The following MYO15A variants were observed in gnomAD, a reference collection of about 807,000 sequenced individuals.
MYO15A encodes the protein unconventional myosin-XV.
In MYO15A, 308 loss-of-function variants were observed where a neutral mutation model predicts 394.6. The observed-to-expected ratio is 0.78, with a 90% CI of 0.71 to 0.86. The LOEUF (loss-of-function observed/expected upper bound fraction) is 0.86. Among genes scored for constraint, MYO15A ranks in the 40% least tolerant of loss-of-function variants. The pLI, the probability that MYO15A is intolerant of heterozygous loss-of-function variation, is 0.00. For missense variants in MYO15A, 4,606 were observed against 4,799.1 expected, an observed-to-expected ratio of 0.96 and a Z score of 1.19; for synonymous variants, 1,957 against 2,003.8, an observed-to-expected ratio of 0.98 and a Z score of 0.62.
At chr17:18,140,760 A>T (rs1340933391) in intron 20 of MYO15A, 27 bp from the exon 21 acceptor site, 1 of 1,614,162 alleles carries the variant, frequency 6.2e-7, no homozygotes, top group Non-Finnish European at 8.5e-7. Context: ...CTGAGGCCTC[A>T]TGCTGTCCTC....
chr17:18,126,799 T>C lies in MYO15A; in HGVS notation c.3875T>C (p.Phe1292Ser). 1 of 1,613,310 alleles carries C rather than the reference T, an allele frequency of 6.2e-7. No individual in the cohort carries two copies. Among genetic ancestry groups the C allele is most frequent in the Non-Finnish European group, 8.5e-7 (1 of 1,179,816 alleles). ...RALGENPPHL[F>S]AVANLAFAKM... ...ATGACCTGTCTCCCCAGGCACCTCT[T>C]TGCTGTTGCAAATCTCGCCTTCGCC... The change falls in exon 6 of 66, where the codon TTT (phenylalanine) becomes TCT (serine). Residue 1292 changes from phenylalanine (F) to serine (S), a missense_variant. By Grantham distance (155) the Phe-to-Ser change is radical. This residue lies in a region of MYO15A where 2,776 missense variants were observed against 3,109.3 expected (regional missense o/e 0.89). Transcript: ENST00000647165.
rs1032045178 is a variant in MYO15A, at chr17:18,178,983, G to A, written c.*113G>A. The A allele has an allele frequency of 3.1e-5, 33 of 1,079,850 alleles. No homozygotes were observed. The highest frequency in any genetic ancestry group is 1.6e-4 in the Admixed American group (8 of 50,634). The allele number at this position is 1,079,850 out of a possible 1,614,324, so 66.9% of individuals were successfully genotyped here. On this transcript the variant is annotated 3_prime_UTR_variant, in exon 66 of 66. Coordinates refer to ENST00000647165, the MANE Select transcript of MYO15A (RefSeq NM_016239.4). ...CCTGTAAGGGGCCAGAGCCTTGGAGGACACTAAGAGGAGGCAGGAGGAGCA... is the reference window on the plus strand; with the variant it reads ...CCTGTAAGGGGCCAGAGCCTTGGAGAACACTAAGAGGAGGCAGGAGGAGCA...
chr17:18,112,608 A>G (rs1381206427), intron 1 of MYO15A, among the ~76,000 whole-genome samples: 1 of 152,134 alleles, frequency 6.6e-6, no homozygotes, highest in Non-Finnish European at 1.5e-5. Flanking sequence ...GGGTTTTGCC[A>G]TATTGTCTGG....
At position 18,135,588 on chromosome 17, in the gene MYO15A, G is replaced by C. The variant is rs140439415; in HGVS notation, c.4483-123G>C. ...ACTCCTGGCCTCAGGTGATCCACCC[G>C]CCTCAGCCTCCCAAAGTGCTGGGAC... On this transcript the variant is annotated intron_variant, in intron 12 of 65. Transcript: ENST00000647165. 1.7e-5 allele frequency: 15 copies of C among 871,796 alleles called. No homozygotes were observed. In the East Asian group the frequency reaches 2.0e-4, roughly 11 times the overall value. 54.0% of individuals were successfully genotyped at this position (871,796 alleles called of 1,614,324 possible).
intron 62 of MYO15A, among the ~76,000 whole-genome samples, chr17:18,171,348 G>A (rs1405577537): frequency 6.6e-6 from 1 of 152,126 alleles, no homozygotes; most frequent in Non-Finnish European, 1.5e-5. Context: ...AACCCATGCC[G>A]CTAACTCACT....
At chr17:18,142,438 A>C (rs773837115) in intron 24 of MYO15A, among the ~76,000 whole-genome samples, 184 bp downstream of exon 24, 3 of 152,206 alleles carry the variant, frequency 2.0e-5, no homozygotes, top group Non-Finnish European at 2.9e-5. Flanking sequence ...AGCCAACCCC[A>C]GGCCCTTGTG....
In MYO15A at chr17:18,179,567, T is replaced by TC. The variant is rs1169800100; in HGVS notation, c.*697_*698insC. On this transcript the variant is annotated 3_prime_UTR_variant, in exon 66 of 66. Transcript: ENST00000647165. ...ATGGGCCACACAAGTTTGAGAGTGG[T>TC]ACAAGGGAGAAGTTTGGGAAAAGCC... 1 of 153,386 alleles carries TC rather than the reference T, an allele frequency of 6.5e-6. No homozygotes were observed. The highest frequency in any genetic ancestry group is 1.5e-5 in the Non-Finnish European group (1 of 68,962). The allele number at this position is 153,386 out of a possible 1,614,324, so 9.5% of individuals were successfully genotyped here.
In MYO15A at chr17:18,141,755, T is replaced by C. The variant is rs201925074; in HGVS notation, c.5634T>C (p.Arg1878=). ...GCAAAGTCATGCCAAACATGTACCG[T>C]GTTGGGGTCAGCAAGGTGAGTCCTG... The part of the protein sequence containing the change: ...RLCKVMPNMY[R]VGVSKLFLKE... Residue 1878 remains arginine, a synonymous_variant, in exon 23 of 66, where the codon CGT becomes CGC. Coordinates refer to ENST00000647165, the MANE Select transcript of MYO15A (RefSeq NM_016239.4). The C allele has an allele frequency of 6.2e-7, 1 of 1,614,072 alleles. No homozygotes were observed. Among genetic ancestry groups the C allele is most frequent in the Non-Finnish European group, 8.5e-7 (1 of 1,180,012 alleles).
intron 42 of MYO15A, 111 bp downstream of exon 42, chr17:18,152,295 T>G: frequency 9.4e-7 from 1 of 1,058,894 alleles, no homozygotes. Context: ...TGAGCCCCTG[T>G]GTACATCTTG....
chr17:18,160,373 T>C (rs2046757526), intron 56 of MYO15A, among the ~76,000 whole-genome samples: 2 of 152,208 alleles, frequency 1.3e-5, no homozygotes, highest in African/African-American at 4.8e-5. Context: ...GATCCAGGTG[T>C]CATCAGGAAG....
At position 18,140,665 on chromosome 17, in the gene MYO15A, G is replaced by C; in HGVS notation, c.5360G>C (p.Arg1787Thr). 1 of 1,613,982 alleles carries C rather than the reference G, an allele frequency of 6.2e-7. No individual in the cohort carries two copies. The highest frequency in any genetic ancestry group is 8.5e-7 in the Non-Finnish European group (1 of 1,180,044). ...CTGGATCTGGTGGAAAAGATGGAGA[G>C]GTGGGGTGGGGGGCAGGTGGGCGGA... ...SLLDLVEKMERCNPLFMRCLK... is the reference protein window; with the variant it reads ...SLLDLVEKMETCNPLFMRCLK... Residue 1787 changes from arginine to threonine, a missense_variant and splice_region_variant, in exon 20 of 66, where the codon AGG becomes ACG. Around this residue, in one of 2 missense-constraint regions of MYO15A, gnomAD observed 2,776 missense variants for 3,109.3 expected, o/e 0.89. Coordinates refer to ENST00000647165, the MANE Select transcript of MYO15A (RefSeq NM_016239.4).
At position 18,148,449 on chromosome 17, in the gene MYO15A, C is replaced by T; in HGVS notation, c.6692-47C>T. 1 of 1,548,894 alleles carries T rather than the reference C, an allele frequency of 6.5e-7. No homozygotes were observed. The highest frequency in any genetic ancestry group is 2.4e-5 in the East Asian group (1 of 40,906). Reference sequence around the variant, plus strand: ...AAGCAAGCAGGGAGGCACAGCCAAACTGGACTCAGATGCTCCAACCTGAGC... The same window carrying T: ...AAGCAAGCAGGGAGGCACAGCCAAATTGGACTCAGATGCTCCAACCTGAGC... On this transcript the variant is annotated intron_variant, in intron 31 of 65. Coordinates refer to ENST00000647165, the MANE Select transcript of MYO15A (RefSeq NM_016239.4). The surrounding 1 kb of genome is among the most constrained non-coding windows in gnomAD (Gnocchi z 4.8).
chr17:18,136,766 C>T, intron 15 of MYO15A, 80 bp downstream of exon 15: 1 of 1,517,762 alleles, frequency 6.6e-7, no homozygotes, highest in African/African-American at 1.4e-5. Context: ...CTGCCCTTCC[C>T]ATCCCTTTCT....
At position 18,166,448 on chromosome 17, in the gene MYO15A, G is replaced by C. The variant is rs2142412995; in HGVS notation, c.9875G>C (p.Trp3292Ser). Residue 3292 changes from tryptophan (W) to serine (S), a missense_variant, in exon 61 of 66, where the codon TGG (tryptophan) becomes TCG (serine). Physicochemically the swap from Trp to Ser is radical, Grantham distance 177. This residue lies in a region of MYO15A where 2,776 missense variants were observed against 3,109.3 expected (regional missense o/e 0.89). Transcript: ENST00000647165. ...CAGGTGGACGGCGGCTACATGCTCTGGTTCCGGCGTGTGCTCTGGGATCAG... is the reference window on the plus strand; with the variant it reads ...CAGGTGGACGGCGGCTACATGCTCTCGTTCCGGCGTGTGCTCTGGGATCAG... ...MEQVDGGYML[W>S]FRRVLWDQPL... The C allele has an allele frequency of 1.9e-6, 3 of 1,614,048 alleles. No individual in the cohort carries two copies. The East Asian group carries it at 6.7e-5, about 36-fold the overall frequency.
chr17:18,116,930 AAAGAAAG>A (rs1326978043), intron 1 of MYO15A, among the ~76,000 whole-genome samples: 5 of 146,368 alleles, frequency 3.4e-5, no homozygotes, highest in East Asian at 4.0e-4. Flanking sequence ...AAAAAAAAAA[AAAGAAAG>A]AAAGAAAGAA....
At chr17:18,126,267 C>T (rs75573319) in intron 4 of MYO15A, 80 bp from the exon 5 acceptor site, 15,404 of 1,199,674 alleles carry the variant, frequency 0.013, 154 homozygotes, top group Middle Eastern at 0.039. Flanking sequence ...AAACAGGGAG[C>T]CAGGCTCCCA....
At chr17:18,116,593 G>C (rs1158145432) in intron 1 of MYO15A, among the ~76,000 whole-genome samples, 1 of 152,188 alleles carries the variant, frequency 6.6e-6, no homozygotes, top group Admixed American at 6.5e-5. Context: ...GCTCCAAGAG[G>C]AGCTGGGGCA....
At chr17:18,110,652 G>A (rs531128372) in intron 1 of MYO15A, among the ~76,000 whole-genome samples, 48 of 152,346 alleles carry the variant, frequency 3.2e-4, no homozygotes, top group Non-Finnish European at 5.3e-4. Flanking sequence ...AATCTAGTGA[G>A]ATATTCCAGA....
At position 18,153,871 on chromosome 17, in the gene MYO15A, C is replaced by A; in HGVS notation, c.8063C>A (p.Pro2688His). 1 of 1,613,660 alleles carries A rather than the reference C, an allele frequency of 6.2e-7. No individual in the cohort carries two copies. Among genetic ancestry groups the A allele is most frequent in the Admixed American group, 1.7e-5 (1 of 60,020 alleles). ...NPNFYGYQDA[P>H]WKIFLRKEVF... is the part of the protein sequence containing the mutation. ...AACTTCTACGGCTATCAGGACGCCC[C>A]CTGGAAGATCTTCCTGCGCAAAGAG... The change falls in exon 43 of 66, where the codon CCC becomes CAC. Residue 2688 changes from proline (P) to histidine (H), a missense_variant. Transcript: ENST00000647165. The surrounding 1 kb of genome is among the most constrained non-coding windows in gnomAD (Gnocchi z 4.1).
Sources: allele counts gnomAD v4.1 joint callset (sites outside exome capture counted in the v4.1 genomes callset), GRCh38; gene constraint gnomAD v4.1.1; regional missense constraint gnomAD v4.1.1; non-coding constraint Gnocchi (gnomAD v3.1); transcripts MANE v1.5; gene names NCBI Gene and HGNC (gene_info 2026-07-23, HGNC 2026-07-21).